CALN1: variants seen among roughly 807,000 people sequenced by gnomAD.
CALN1 encodes the protein calneuron 1.
In CALN1, 17 loss-of-function variants were observed where a neutral mutation model predicts 30.6. The observed-to-expected ratio is 0.56, with a 90% confidence interval of 0.38 to 0.83. The LOEUF (loss-of-function observed/expected upper bound fraction) is 0.83, where lower values mean the gene tolerates loss of function less well. Ranked by LOEUF, CALN1 falls within the 40% of genes least tolerant of loss-of-function variation. The probability of loss-of-function intolerance (pLI) is 0.00; values close to 1 mark genes in which losing one functional copy is unlikely to be tolerated. For missense variants in CALN1, 291 were observed against 354.9 expected (o/e 0.82, Z 1.45); for synonymous variants, 156 against 131.4 (o/e 1.19, Z -1.28).
At chr7:72,139,660 G>T (rs1047155265) in intron 3 of CALN1, among the ~76,000 whole-genome samples, 1 of 151,536 alleles carries the variant, frequency 6.6e-6, no homozygotes, top group African/African-American at 2.4e-5. Flanking sequence ...TAAGCACCTC[G>T]GCCATGTCCA....
chr7:71,828,703 C>T (rs1242153679), intron 5 of CALN1, among the ~76,000 whole-genome samples: 1 of 139,120 alleles, frequency 7.2e-6, no homozygotes, highest in African/African-American at 3.1e-5. Context: ...TACATATATA[C>T]ATATATATAT....
At chr7:71,821,450 G>A (rs1303886495) in intron 5 of CALN1, among the ~76,000 whole-genome samples, 1 of 151,948 alleles carries the variant, frequency 6.6e-6, no homozygotes, top group Non-Finnish European at 1.5e-5. Context: ...CATGGCAGCG[G>A]GCAAAAAAGA....
chr7:71,806,669 T>C (rs1372609758), intron 6 of CALN1, among the ~76,000 whole-genome samples: 1 of 152,192 alleles, frequency 6.6e-6, no homozygotes, highest in Admixed American at 6.5e-5. Flanking sequence ...TTTGAGATAT[T>C]CTTTAGGTTC....
At chr7:72,064,725 G>A (rs979198430) in intron 4 of CALN1, among the ~76,000 whole-genome samples, 1 of 152,014 alleles carries the variant, frequency 6.6e-6, no homozygotes, top group African/African-American at 2.4e-5. Context: ...TTTTTGATTA[G>A]GGATGCACAA....
At chr7:72,088,415 T>C (rs1450839614) in intron 4 of CALN1, among the ~76,000 whole-genome samples, 1 of 152,066 alleles carries the variant, frequency 6.6e-6, no homozygotes, top group Non-Finnish European at 1.5e-5. Flanking sequence ...AAAAGGGTTA[T>C]GGGCCGGGCG....
At chr7:72,332,844 A>C (rs1008771249) in intron 2 of CALN1, among the ~76,000 whole-genome samples, 1 of 152,080 alleles carries the variant, frequency 6.6e-6, no homozygotes, top group Non-Finnish European at 1.5e-5. Context: ...TGGCCTCATC[A>C]GCCTTGTCCG....
chr7:72,229,683 C>G (rs1771975834), intron 3 of CALN1, among the ~76,000 whole-genome samples: 1 of 151,918 alleles, frequency 6.6e-6, no homozygotes, highest in Non-Finnish European at 1.5e-5. Flanking sequence ...AACACAGGAA[C>G]AGAAAACCAA....
chr7:72,053,746 G>A (rs1016207416), intron 4 of CALN1, among the ~76,000 whole-genome samples: 3 of 152,080 alleles, frequency 2.0e-5, no homozygotes, highest in African/African-American at 7.2e-5. Flanking sequence ...TCACCCAGCA[G>A]TATACACTGC....
chr7:71,885,733 C>T (rs148630585), intron 5 of CALN1, among the ~76,000 whole-genome samples: 1 of 152,306 alleles, frequency 6.6e-6, no homozygotes, highest in African/African-American at 2.4e-5. Context: ...AACAAATAAA[C>T]AAGAGTGAGA....
intron 3 of CALN1, among the ~76,000 whole-genome samples, chr7:72,240,254 G>C (rs977202796): frequency 1.3e-5 from 2 of 151,418 alleles, no homozygotes; most frequent in Admixed American, 1.3e-4. Context: ...GAGCGCAGTA[G>C]AGTGATCATA....
intron 4 of CALN1, among the ~76,000 whole-genome samples, chr7:72,046,870 A>G (rs187917549): frequency 3.3e-5 from 5 of 152,124 alleles, no homozygotes; most frequent in South Asian, 2.1e-4. Context: ...TCTACAAGAA[A>G]TACAAAAATC....
chr7:72,011,822 T>A (rs190509174), intron 5 of CALN1, among the ~76,000 whole-genome samples: 3 of 152,244 alleles, frequency 2.0e-5, no homozygotes, highest in Non-Finnish European at 4.4e-5. Context: ...TTTTTAGGTT[T>A]TTTTTGTAGA....
intron 5 of CALN1, among the ~76,000 whole-genome samples, chr7:71,846,874 AATAT>A (rs1191816719): frequency 6.8e-6 from 1 of 146,844 alleles, no homozygotes; most frequent in South Asian, 2.1e-4. Context: ...ATGTATATAT[AATAT>A]ATACACACAT....
intron 3 of CALN1, among the ~76,000 whole-genome samples, chr7:72,268,826 C>CACAG (rs1346813505): frequency 6.6e-6 from 1 of 151,572 alleles, no homozygotes; most frequent in Admixed American, 6.6e-5. Flanking sequence ...CACACACACA[C>CACAG]AGAACTAATT....
intron 1 of CALN1, among the ~76,000 whole-genome samples, chr7:72,411,135 A>T (rs1562957877): frequency 6.6e-6 from 1 of 152,056 alleles, no homozygotes; most frequent in Non-Finnish European, 1.5e-5. Context: ...ATAAGAGCAA[A>T]CATAAAGGTT....
At chr7:71,860,947 C>A (rs1276041330) in intron 5 of CALN1, among the ~76,000 whole-genome samples, 4 of 152,026 alleles carry the variant, frequency 2.6e-5, no homozygotes, top group African/African-American at 9.7e-5. Context: ...ATCAGGAGAC[C>A]AACGATGACA....
intron 5 of CALN1, among the ~76,000 whole-genome samples, chr7:71,824,510 G>A (rs779891810): frequency 2.6e-5 from 4 of 152,126 alleles, no homozygotes; most frequent in Non-Finnish European, 4.4e-5. Context: ...CCCAGAGCTC[G>A]CTGCTGGCTG....
chr7:71,801,428 G>GTATGTATCTATC (rs1461292230), intron 6 of CALN1, among the ~76,000 whole-genome samples: 1,339 of 87,584 alleles, frequency 0.015, 15 homozygotes, highest in Middle Eastern at 0.038. Context: ...ATGTATGTAT[G>GTATGTATCTATC]TATCTATCTA....
At chr7:72,252,122 C>T (rs111864973) in intron 3 of CALN1, among the ~76,000 whole-genome samples, 3 of 152,236 alleles carry the variant, frequency 2.0e-5, no homozygotes, top group Non-Finnish European at 2.9e-5. Flanking sequence ...AAGTATTGGA[C>T]TCAACACGTT....
Sources: allele counts gnomAD v4.1 joint callset (sites outside exome capture counted in the v4.1 genomes callset), GRCh38; gene constraint gnomAD v4.1.1; transcripts MANE v1.5; gene names NCBI Gene and HGNC (gene_info 2026-07-23, HGNC 2026-07-21).